The following GOLIM4 variants were observed in gnomAD, a reference collection of about 807,000 sequenced individuals.
The protein encoded by GOLIM4 is 130 kDa golgi-localized phosphoprotein.
GOLIM4 carries 71 observed loss-of-function variants against 107.4 expected under a neutral mutation model. The ratio of observed to expected loss-of-function variants is 0.66; its 90% CI spans 0.55 to 0.81. GOLIM4 has a LOEUF of 0.81. GOLIM4 is among the 30% of genes least tolerant of loss of function. The probability of loss-of-function intolerance (pLI) is 0.00; values close to 1 mark genes in which losing one functional copy is unlikely to be tolerated. For synonymous variants in GOLIM4, 327 were observed against 294.8 expected, an observed-to-expected ratio of 1.11 and a Z score of -1.12; for missense variants, 830 against 826.1, an observed-to-expected ratio of 1.00 and a Z score of -0.06.
intron 1 of GOLIM4, among the ~76,000 whole-genome samples, chr3:168,079,433 G>A (rs1348355190): frequency 6.6e-6 from 1 of 152,174 alleles, no homozygotes; most frequent in Non-Finnish European, 1.5e-5. Context: ...ATGAGTGCAA[G>A]AGAGCTTCTG....
rs1718710964 is a variant in GOLIM4 at position 168,037,301 on chromosome 3, C to CCGT, written c.685-310_685-308dup. Among the ~76,000 whole-genome samples the CCGT allele has an allele frequency of 1.3e-5, 2 of 152,066 alleles. 1 individual carries two copies. Among genetic ancestry groups the CCGT allele is most frequent in the South Asian group, 4.2e-4 (2 of 4,818 alleles). ...TAATATAAATATCACTATTAAAAGA[C>CCGT]CGTTCTGTGATGTTTTATCATATTA... On this transcript the variant is annotated intron_variant, in intron 7 of 15. Transcript: ENST00000470487.
intron 14 of GOLIM4, among the ~76,000 whole-genome samples, chr3:168,023,261 G>C (rs1180713291): frequency 1.3e-5 from 2 of 152,094 alleles, no homozygotes; most frequent in African/African-American, 4.8e-5. Flanking sequence ...TCTTTTTCTT[G>C]CCCAATGTCT....
In GOLIM4 at chr3:168,095,193, C is replaced by T; in HGVS notation, c.93G>A (p.Met31Ile). The T allele has an allele frequency of 6.2e-7, 1 of 1,613,798 alleles. No homozygotes were observed. ...TVVFGFLYGA[M>I]LYYELQTQLR... ...GCTGCGTCTGCAGCTCGTAGTAGAG[C>T]ATCGCGCCGTAGAGAAAGCCGAACA... The change falls in exon 1 of 16, where the codon ATG becomes ATA. Residue 31 changes from methionine (M) to isoleucine (I), a missense_variant. Transcript: ENST00000470487.
chr3:168,033,931 A>G (rs916297485), intron 8 of GOLIM4, among the ~76,000 whole-genome samples: 1 of 152,236 alleles, frequency 6.6e-6, no homozygotes, highest in African/African-American at 2.4e-5. Flanking sequence ...AAGAGAATAT[A>G]GTATATCAAC....
At position 168,095,360 on chromosome 3, in the gene GOLIM4, G is replaced by T; in HGVS notation, c.-75C>A. The T allele has an allele frequency of 1.5e-6, 2 of 1,317,146 alleles. No individual in the cohort carries two copies. Among genetic ancestry groups the T allele is most frequent in the Non-Finnish European group, 2.1e-6 (2 of 944,182 alleles). The allele number at this position is 1,317,146 out of a possible 1,614,324, so 81.6% of individuals were successfully genotyped here. Reference sequence around the variant, plus strand: ...TGGTCCGAGCGAGCGTCTCAGCAGCGGCCGCCGCAGTAGGTGGCCAGACGC... The same window carrying T: ...TGGTCCGAGCGAGCGTCTCAGCAGCTGCCGCCGCAGTAGGTGGCCAGACGC... On this transcript the variant is annotated 5_prime_UTR_variant, in exon 1 of 16. Coordinates refer to ENST00000470487, the MANE Select transcript of GOLIM4 (RefSeq NM_014498.5).
intron 1 of GOLIM4, among the ~76,000 whole-genome samples, chr3:168,075,699 C>T (rs947690326): frequency 6.6e-6 from 1 of 152,144 alleles, no homozygotes; most frequent in Non-Finnish European, 1.5e-5. Context: ...TCAAAACACA[C>T]CTGCTTTTCT....
chr3:168,032,974 A>G, intron 8 of GOLIM4, 122 bp from the exon 9 acceptor site: 12 of 733,280 alleles, frequency 1.6e-5, no homozygotes, highest in Middle Eastern at 2.4e-4. Flanking sequence ...AGAAATATAT[A>G]TAGTCCTGGC....
intron 1 of GOLIM4, among the ~76,000 whole-genome samples, chr3:168,061,871 A>G (rs1720291225): frequency 6.6e-6 from 1 of 152,152 alleles, no homozygotes; most frequent in Non-Finnish European, 1.5e-5. Context: ...TCTGATTCTC[A>G]TGCTGGTGGT....
chr3:168,047,116 T>G lies in GOLIM4; in HGVS notation c.263-117A>C, dbSNP rs1439008645. On this transcript the variant is annotated intron_variant, in intron 2 of 15. Transcript: ENST00000470487. Reference sequence around the variant, plus strand: ...CAAAAGTGTTTTAGGTTTAAAACAATCTACTTGGTGATTTACATACTTTAT... The same window carrying G: ...CAAAAGTGTTTTAGGTTTAAAACAAGCTACTTGGTGATTTACATACTTTAT... The G allele has an allele frequency of 3.0e-5, 16 of 537,000 alleles. No homozygotes were observed. The East Asian group carries it at 5.4e-4, about 18-fold the overall frequency. The allele number at this position is 537,000 out of a possible 1,614,324, so 33.3% of individuals were successfully genotyped here.
At position 168,027,824 on chromosome 3, in the gene GOLIM4, G is replaced by T. The variant is rs1553795926; in HGVS notation, c.1527C>A (p.Asp509Glu). ...CTTCTGCTTCATCTTGGTGCTGGTT[G>T]TCTCTTTCATAGGCTAGCAAATCAA... ...IQGEEGAYER[D>E]NQHQDEAEGD... The change falls in exon 12 of 16, where the codon GAC becomes GAA. Residue 509 changes from aspartate (D) to glutamate (E), a missense_variant. Transcript: ENST00000470487. 1.2e-6 allele frequency: 2 copies of T among 1,608,680 alleles called. No homozygotes were observed. Among genetic ancestry groups the T allele is most frequent in the South Asian group, 2.2e-5 (2 of 90,972 alleles).
At chr3:168,028,631 T>C (rs897206319) in intron 11 of GOLIM4, among the ~76,000 whole-genome samples, 2 of 152,200 alleles carry the variant, frequency 1.3e-5, no homozygotes, top group Non-Finnish European at 2.9e-5. Flanking sequence ...AAGTGCCACA[T>C]GGCGGACATA....
intron 7 of GOLIM4, among the ~76,000 whole-genome samples, chr3:168,038,708 T>A (rs986350780): frequency 3.3e-5 from 5 of 152,216 alleles, no homozygotes; most frequent in Non-Finnish European, 7.3e-5. Context: ...ACATGAGAAA[T>A]GCAGGTGCCT....
chr3:168,014,138 G>C (rs879292027), intron 14 of GOLIM4, among the ~76,000 whole-genome samples: 2 of 147,784 alleles, frequency 1.4e-5, no homozygotes, highest in Non-Finnish European at 3.0e-5. Flanking sequence ...TTGATAGACC[G>C]CTAGCAAGAC....
At chr3:168,079,529 T>C (rs1381522346) in intron 1 of GOLIM4, among the ~76,000 whole-genome samples, 1 of 152,186 alleles carries the variant, frequency 6.6e-6, no homozygotes, top group African/African-American at 2.4e-5. Flanking sequence ...TTGCTTATAA[T>C]TTGTGCACTT....
chr3:168,051,748 T>A (rs1316356164), intron 1 of GOLIM4, among the ~76,000 whole-genome samples: 1 of 152,216 alleles, frequency 6.6e-6, no homozygotes, highest in Non-Finnish European at 1.5e-5. Context: ...TGATGTAATG[T>A]AACTTAAGAA....
chr3:168,083,953 A>G (rs1323623606), intron 1 of GOLIM4, among the ~76,000 whole-genome samples: 2 of 152,202 alleles, frequency 1.3e-5, no homozygotes, highest in African/African-American at 4.8e-5. Context: ...TAGGTTATTA[A>G]AACACCTTCA....
chr3:168,095,119 G>T lies in GOLIM4; in HGVS notation c.167C>A (p.Ser56Tyr), dbSNP rs1464602427. Residue 56 changes from serine (S) to tyrosine (Y), a missense_variant, in exon 1 of 16, where the codon TCC (serine) becomes TAC (tyrosine). Transcript: ENST00000470487. Reference protein sequence around the residue: ...VALKYQQHQESLSAQLQVVYE... With the variant: ...VALKYQQHQEYLSAQLQVVYE... ...CGTACCTTGTAACTGGGCGGAGAGG[G>T]ACTCCTGGTGCTGCTGGTACTTGAG... 1 of 1,604,144 alleles carries T rather than the reference G, an allele frequency of 6.2e-7. No homozygotes were observed. Among genetic ancestry groups the T allele is most frequent in the Non-Finnish European group, 8.5e-7 (1 of 1,172,410 alleles).
chr3:168,041,066 A>G (rs1718970716), intron 6 of GOLIM4, 197 bp from the exon 7 acceptor site: 4 of 509,854 alleles, frequency 7.8e-6, no homozygotes, highest in Non-Finnish European at 1.4e-5. Context: ...GTGCTACCCA[A>G]ATATCATAAT....
At chr3:168,048,705 G>C (rs1339164634) in intron 1 of GOLIM4, among the ~76,000 whole-genome samples, 2 of 152,098 alleles carry the variant, frequency 1.3e-5, no homozygotes, top group Non-Finnish European at 2.9e-5. Context: ...TCAATCTCCT[G>C]ACTTTTAACC....
Sources: gnomAD v4.1 joint callset for allele counts (sites outside exome capture counted in the v4.1 genomes callset) on GRCh38, gnomAD v4.1.1 for gene constraint, MANE v1.5 for transcripts, NCBI Gene and HGNC (gene_info 2026-07-23, HGNC 2026-07-21) for gene names.